Variants in CHKA observed in about 807,000 individuals in gnomAD.
The protein encoded by CHKA is choline kinase alpha.
In CHKA, 34 loss-of-function variants were observed where a neutral mutation model predicts 60.1. That is an observed-to-expected ratio of 0.57 (90% CI 0.43 to 0.75). CHKA has a LOEUF of 0.75. CHKA is among the 30% of genes least tolerant of loss of function. CHKA has a pLI of 0.00. For missense variants in CHKA, 563 were observed against 561.3 expected, an observed-to-expected ratio of 1.00 and a Z score of -0.03; for synonymous variants, 217 against 223.1, an observed-to-expected ratio of 0.97 and a Z score of 0.24.
chr11:68,054,526 G>A (rs770806467), intron 11 of CHKA, among the ~76,000 whole-genome samples: 5 of 152,158 alleles, frequency 3.3e-5, no homozygotes, highest in Admixed American at 6.6e-5. Context: ...ACACTGAGAG[G>A]CAAGGGAGAA....
At chr11:68,073,956 C>A (rs1856703566) in intron 4 of CHKA, among the ~76,000 whole-genome samples, 1 of 152,150 alleles carries the variant, frequency 6.6e-6, no homozygotes, top group Non-Finnish European at 1.5e-5. Context: ...CAAAGACGAG[C>A]ATTGCCAATC....
At chr11:68,118,707 A>G (rs1858489525) in intron 1 of CHKA, among the ~76,000 whole-genome samples, 2 of 152,158 alleles carry the variant, frequency 1.3e-5, no homozygotes, top group African/African-American at 4.8e-5. Context: ...GAGAGAGTGT[A>G]CTCTTGCAAC....
intron 6 of CHKA, among the ~76,000 whole-genome samples, chr11:68,069,400 C>T (rs954669477): frequency 6.6e-6 from 1 of 152,108 alleles, no homozygotes; most frequent in Non-Finnish European, 1.5e-5. Flanking sequence ...GGTGTAAATA[C>T]TTGTGGCTGG....
At chr11:68,079,026 T>C (rs965546728) in intron 3 of CHKA, among the ~76,000 whole-genome samples, 6 of 151,616 alleles carry the variant, frequency 4.0e-5, no homozygotes, top group African/African-American at 1.5e-4. Context: ...CTCCGCCTCC[T>C]GGGTTCATGC....
intron 5 of CHKA, 29 bp from the exon 6 acceptor site, chr11:68,070,322 A>T (rs757176629): frequency 6.9e-7 from 1 of 1,447,544 alleles, no homozygotes; most frequent in South Asian, 1.1e-5. Context: ...AAAAGAACAG[A>T]ACAAAGAATC....
At chr11:68,113,293 A>C (rs954371847) in intron 1 of CHKA, among the ~76,000 whole-genome samples, 1 of 152,038 alleles carries the variant, frequency 6.6e-6, no homozygotes, top group African/African-American at 2.4e-5. Context: ...AAAAAATAAA[A>C]AGGAAAAAGA....
In CHKA at chr11:68,121,093, G is replaced by C. The variant is rs945736065; in HGVS notation, c.85C>G (p.Pro29Ala). The C allele has an allele frequency of 1.3e-5, 15 of 1,147,026 alleles. No homozygotes were observed. Among genetic ancestry groups the C allele is most frequent in the Non-Finnish European group, 1.6e-5 (15 of 933,602 alleles). The allele number at this position is 1,147,026 out of a possible 1,614,324, so 71.1% of individuals were successfully genotyped here. ...LLSCGSGSAAPAPGVGQQRDA... is the reference protein window; with the variant it reads ...LLSCGSGSAAAAPGVGQQRDA... ...CGCTGCTGCCCCACGCCGGGCGCCG[G>C]GGCCGCGCTGCCGCTACCGCAGCTC... Residue 29 changes from proline to alanine, a missense_variant, in exon 1 of 12, where the codon CCG (proline) becomes GCG (alanine). Transcript: ENST00000265689.
At chr11:68,085,489 G>A (rs1395706927) in intron 2 of CHKA, among the ~76,000 whole-genome samples, 3 of 151,980 alleles carry the variant, frequency 2.0e-5, no homozygotes, top group African/African-American at 7.3e-5. Context: ...CCAAAGGGCT[G>A]AGATTACAGG....
chr11:68,111,128 T>C (rs1181477034), intron 1 of CHKA, among the ~76,000 whole-genome samples: 1 of 151,254 alleles, frequency 6.6e-6, no homozygotes, highest in Admixed American at 6.6e-5. Flanking sequence ...CTACATTAAT[T>C]AGGCCAGGCG....
rs1856187962 is a variant in CHKA at position 68,060,313 on chromosome 11, T to C, written c.1314+1640A>G. Among the ~76,000 whole-genome samples the C allele has an allele frequency of 2.0e-5, 3 of 151,830 alleles. No homozygotes were observed. The South Asian group carries it at 6.2e-4, about 32-fold the overall frequency. On this transcript the variant is annotated intron_variant, in intron 11 of 11. Coordinates refer to ENST00000265689, the MANE Select transcript of CHKA (RefSeq NM_001277.3). ...TCCCAAAGTTCTGGGATTACAGGCATGGGCCACCGCACCCGGCCAGAGTTT... is the reference window on the plus strand; with the variant it reads ...TCCCAAAGTTCTGGGATTACAGGCACGGGCCACCGCACCCGGCCAGAGTTT...
intron 1 of CHKA, among the ~76,000 whole-genome samples, chr11:68,113,081 C>CAAAAAAAAAAA (rs71040587): frequency 5.9e-3 from 86 of 14,522 alleles, no homozygotes; most frequent in East Asian, 0.012. Flanking sequence ...GACTCCGTCT[C>CAAAAAAAAAAA]AAAAAAAAAA....
intron 10 of CHKA, among the ~76,000 whole-genome samples, chr11:68,064,321 T>C (rs958791951): frequency 4.6e-5 from 7 of 152,024 alleles, no homozygotes; most frequent in African/African-American, 1.7e-4. Flanking sequence ...GACAGGAGAA[T>C]TGCTTGAACC....
At chr11:68,059,206 T>G (rs1856132791) in intron 11 of CHKA, among the ~76,000 whole-genome samples, 2 of 152,364 alleles carry the variant, frequency 1.3e-5, no homozygotes, top group South Asian at 4.1e-4. Context: ...GCTGAGGGTT[T>G]TTCATACATG....
chr11:68,092,332 A>G (rs968606850), intron 2 of CHKA, among the ~76,000 whole-genome samples: 2 of 152,132 alleles, frequency 1.3e-5, no homozygotes, highest in Non-Finnish European at 2.9e-5. Flanking sequence ...TTGTGATAGG[A>G]ACAAAACCCT....
At chr11:68,081,484 C>A in intron 2 of CHKA, 27 bp from the exon 3 acceptor site, 1 of 1,585,852 alleles carries the variant, frequency 6.3e-7, no homozygotes, top group Non-Finnish European at 8.7e-7. Flanking sequence ...GGAAACACTT[C>A]TGGTGAGATG....
chr11:68,117,851 A>AGT (rs1273050994), intron 1 of CHKA, among the ~76,000 whole-genome samples: 1 of 152,196 alleles, frequency 6.6e-6, no homozygotes, highest in Non-Finnish European at 1.5e-5. Flanking sequence ...CTCCTGTTCT[A>AGT]GTGTCTAAGC....
intron 8 of CHKA, among the ~76,000 whole-genome samples, chr11:68,066,141 G>A (rs778945975): frequency 6.6e-5 from 10 of 152,186 alleles, no homozygotes; most frequent in Non-Finnish European, 1.3e-4. Flanking sequence ...GTGTCTCCTA[G>A]ACCAGGATTT....
At chr11:68,081,327 G>A in intron 3 of CHKA, 77 bp downstream of exon 3, 1 of 1,211,514 alleles carries the variant, frequency 8.3e-7, no homozygotes, top group Admixed American at 1.8e-5. Flanking sequence ...AAGAGGCACT[G>A]CCAAGCCCTG....
intron 1 of CHKA, among the ~76,000 whole-genome samples, chr11:68,105,018 C>T (rs1321228624): frequency 2.0e-5 from 3 of 151,686 alleles, no homozygotes; most frequent in African/African-American, 4.8e-5. Flanking sequence ...GCAGGAGAAT[C>T]GCTTGAACCC....
Sources: gnomAD v4.1 joint callset for allele counts (sites outside exome capture counted in the v4.1 genomes callset) on GRCh38, gnomAD v4.1.1 for gene constraint, MANE v1.5 for transcripts, NCBI Gene and HGNC (gene_info 2026-07-23, HGNC 2026-07-21) for gene names.